The following DSC3 variants were observed in gnomAD, a reference collection of about 807,000 sequenced individuals.
DSC3 encodes desmocollin 3.
In DSC3, 97 loss-of-function variants were observed where a neutral mutation model predicts 89.5. The observed-to-expected ratio is 1.08, with a 90% confidence interval of 0.92 to 1.28. DSC3 has a LOEUF of 1.28. Ranked by LOEUF, DSC3 falls within the 50% of genes most tolerant of loss-of-function variation. DSC3 has a pLI of 0.00. For synonymous variants in DSC3, 436 were observed against 384.1 expected (o/e 1.14, Z -1.58); for missense variants, 1,199 against 1,085.3 (o/e 1.10, Z -1.47).
intron 1 of DSC3, among the ~76,000 whole-genome samples, chr18:31,035,733 C>T (rs1985948819): frequency 6.6e-6 from 1 of 151,962 alleles, no homozygotes; most frequent in Admixed American, 6.5e-5. Context: ...GAACATTTTG[C>T]AATTTTTGTT....
At chr18:31,018,871 C>A in intron 7 of DSC3, 71 bp from the exon 8 acceptor site, 1 of 1,352,150 alleles carries the variant, frequency 7.4e-7, no homozygotes, top group Non-Finnish European at 1.0e-6. Flanking sequence ...ACCTCAATTG[C>A]ACACTCACTC....
Position 31,022,349 on chromosome 18 carries a change from T to C in DSC3, c.929A>G (p.Tyr310Cys), listed in dbSNP as rs1985449714. Reference sequence around the variant, plus strand: ...TGTGTGAGCTACCTCTCTGTCCAAATAATGAGAGACTGTGGTGATTACGCC... The same window carrying C: ...TGTGTGAGCTACCTCTCTGTCCAAACAATGAGAGACTGTGGTGATTACGCC... ...STGVITTVSH[Y>C]LDREVVDKYS... Residue 310 changes from tyrosine (Y) to cysteine (C), a missense_variant, in exon 7 of 16, where the codon TAT becomes TGT. Tyr to Cys is a radical substitution (Grantham distance 194). Transcript: ENST00000360428. The C allele has an allele frequency of 6.2e-7, 1 of 1,613,846 alleles. No individual in the cohort carries two copies. Among genetic ancestry groups the C allele is most frequent in the African/African-American group, 1.3e-5 (1 of 74,892 alleles).
chr18:30,994,435 A>G (rs1191193436), intron 15 of DSC3, 63 bp from the exon 16 acceptor site: 4 of 1,590,362 alleles, frequency 2.5e-6, no homozygotes, highest in Non-Finnish European at 3.4e-6. Flanking sequence ...ATATGAACAT[A>G]AAATTTATTT....
At chr18:31,003,821 A>C (rs141858917) in intron 13 of DSC3, among the ~76,000 whole-genome samples, 2,024 of 152,332 alleles carry the variant, frequency 0.013, 38 homozygotes, top group African/African-American at 0.047. Flanking sequence ...GAGTTTCCTA[A>C]GGCAGAAATT....
chr18:31,029,373 C>T, intron 4 of DSC3, 136 bp downstream of exon 4: 1 of 1,114,722 alleles, frequency 9.0e-7, no homozygotes, highest in Non-Finnish European at 1.3e-6. Flanking sequence ...TTTTCTTTCT[C>T]ATTTTACTTT....
Position 30,993,686 on chromosome 18 carries a change from G to C in DSC3, c.*489C>G, listed in dbSNP as rs1408506434. The C allele has an allele frequency of 6.4e-6, 1 of 156,524 alleles. No individual in the cohort carries two copies. The highest frequency in any genetic ancestry group is 2.4e-5 in the African/African-American group (1 of 41,414). 9.7% of individuals were successfully genotyped at this position (156,524 alleles called of 1,614,324 possible). A position where few individuals can be genotyped will look rare whatever the true frequency, so the allele number is the denominator to read the frequency against. The stretch of plus-strand genomic sequence containing the variant: ...TTTGCCTCCAAAGTCAAATGAATTT[G>C]GTAGTGCAGTAGGGGTGAGTCCCAA... On this transcript the variant is annotated 3_prime_UTR_variant, in exon 16 of 16. Transcript: ENST00000360428.
chr18:30,994,079 AT>A lies in DSC3; in HGVS notation c.*95del. On this transcript the variant is annotated 3_prime_UTR_variant, in exon 16 of 16. Coordinates refer to ENST00000360428, the MANE Select transcript of DSC3 (RefSeq NM_001941.5). ...AGCATAATTCAAAATTGAGAAAAAA[AT>A]CATCATATACATACATGTTGAAATT... 2 of 1,197,152 alleles carry A rather than the reference AT, an allele frequency of 1.7e-6. No homozygotes were observed. Among genetic ancestry groups the A allele is most frequent in the Non-Finnish European group, 1.2e-6 (1 of 822,364 alleles). 74.2% of individuals were successfully genotyped at this position (1,197,152 alleles called of 1,614,324 possible).
rs1984499356 is a variant in DSC3, at chr18:30,997,025, G to A, written c.2259C>T (p.Thr753=). Residue 753 remains threonine, a synonymous_variant, in exon 15 of 16, where the codon ACC becomes ACT. Coordinates refer to ENST00000360428, the MANE Select transcript of DSC3 (RefSeq NM_001941.5). ...CTTGGCTAGAGTTGTTGGTAGTTTG[G>A]GTCATAAATCCATTGGCAGAGCACT... is the stretch of plus-strand genomic sequence containing the variant. ...DRVCSANGFM[T]QTTNNSSQGF... 3.7e-6 allele frequency: 6 copies of A among 1,614,008 alleles called. No individual in the cohort carries two copies. The highest frequency in any genetic ancestry group is 5.1e-6 in the Non-Finnish European group (6 of 1,179,986).
chr18:31,038,698 C>T (rs1986043985), intron 1 of DSC3, among the ~76,000 whole-genome samples: 1 of 151,666 alleles, frequency 6.6e-6, no homozygotes, highest in Non-Finnish European at 1.5e-5. Context: ...TTATAAATAC[C>T]AAAGATTACA....
chr18:31,016,133 T>A (rs1203324897), intron 9 of DSC3, among the ~76,000 whole-genome samples: 2 of 152,184 alleles, frequency 1.3e-5, no homozygotes, highest in African/African-American at 4.8e-5. Context: ...CAGGAACTCC[T>A]GCCAGTTTTC....
chr18:30,992,669 T>C lies in DSC3; in HGVS notation c.*1506A>G, dbSNP rs948805692. ...TACAAATAACCTACTTGGGCTGCTT[T>C]CTCCCAAAGTTCCCTCTGTTCTAAA... is the stretch of plus-strand genomic sequence containing the variant. On this transcript the variant is annotated 3_prime_UTR_variant, in exon 16 of 16. Coordinates refer to ENST00000360428, the MANE Select transcript of DSC3 (RefSeq NM_001941.5). 96 of 152,266 alleles carry C rather than the reference T, an allele frequency of 6.3e-4. No individual in the cohort carries two copies. The highest frequency in any genetic ancestry group is 2.2e-3 in the African/African-American group (92 of 41,460). The allele number at this position is 152,266 out of a possible 1,614,324, so 9.4% of individuals were successfully genotyped here.
chr18:31,006,355 G>C (rs1456715504), intron 12 of DSC3, among the ~76,000 whole-genome samples: 1 of 151,646 alleles, frequency 6.6e-6, no homozygotes, highest in Non-Finnish European at 1.5e-5. Context: ...CTGGAGTGCA[G>C]TGGCACCATC....
In DSC3 at chr18:31,039,151, C is replaced by T. The variant is rs1986059863; in HGVS notation, c.69+3441G>A. Reference sequence around the variant, plus strand: ...TTAAAGATGATAATATAAAGTATTACCTACTGCAGCCTAAGCAAAATAGTT... The same window carrying T: ...TTAAAGATGATAATATAAAGTATTATCTACTGCAGCCTAAGCAAAATAGTT... On this transcript the variant is annotated intron_variant, in intron 1 of 15. Transcript: ENST00000360428. Among the ~76,000 whole-genome samples, 3 of 151,922 alleles carry T rather than the reference C, an allele frequency of 2.0e-5. No individual in the cohort carries two copies. In the South Asian group the frequency reaches 6.2e-4, roughly 32 times the overall value.
At chr18:30,997,572 A>G (rs764730403) in intron 14 of DSC3, among the ~76,000 whole-genome samples, 2 of 152,200 alleles carry the variant, frequency 1.3e-5, no homozygotes, top group Non-Finnish European at 2.9e-5. Flanking sequence ...AGTTTCCAAC[A>G]TATCAGCTTT....
In DSC3 at chr18:30,992,847, G is replaced by A. The variant is rs1984317254; in HGVS notation, c.*1328C>T. 6.6e-6 allele frequency: 1 copy of A among 152,238 alleles called. No homozygotes were observed. The highest frequency in any genetic ancestry group is 1.5e-5 in the Non-Finnish European group (1 of 68,056). The allele number at this position is 152,238 out of a possible 1,614,324, so 9.4% of individuals were successfully genotyped here. ...TCACTTAAGGGAATCTCTGCTGGAGGTGTTGCTTTAGCAGAAAGCCGAAAG... is the reference window on the plus strand; with the variant it reads ...TCACTTAAGGGAATCTCTGCTGGAGATGTTGCTTTAGCAGAAAGCCGAAAG... On this transcript the variant is annotated 3_prime_UTR_variant, in exon 16 of 16. Coordinates refer to ENST00000360428, the MANE Select transcript of DSC3 (RefSeq NM_001941.5).
At chr18:31,006,452 A>T (rs935611770) in intron 12 of DSC3, among the ~76,000 whole-genome samples, 4 of 151,986 alleles carry the variant, frequency 2.6e-5, no homozygotes, top group Non-Finnish European at 5.9e-5. Context: ...GGTGCCTGCC[A>T]CCACGCCCAG....
intron 14 of DSC3, among the ~76,000 whole-genome samples, chr18:30,999,306 T>G (rs1984576158): frequency 6.6e-6 from 1 of 152,058 alleles, no homozygotes; most frequent in Admixed American, 6.6e-5. Flanking sequence ...CTGAAATATA[T>G]CTACAAAAGT....
In DSC3 at chr18:31,032,147, T is replaced by C. The variant is rs200894046; in HGVS notation, c.154+45A>G. 2.2e-4 allele frequency: 300 copies of C among 1,382,428 alleles called. No individual in the cohort carries two copies. The African/African-American group carries it at 3.8e-3, about 18-fold the overall frequency. 85.6% of individuals were successfully genotyped at this position (1,382,428 alleles called of 1,614,324 possible). The stretch of plus-strand genomic sequence containing the variant: ...ATTATATCATGCTCTTTCCAGCCTA[T>C]GTAAACTAAATTTCTGCTTTAAAAA... On this transcript the variant is annotated intron_variant, in intron 2 of 15. Transcript: ENST00000360428.
At chr18:31,042,538 G>A (rs1472331597) in intron 1 of DSC3, 54 bp downstream of exon 1, 4 of 1,514,984 alleles carry the variant, frequency 2.6e-6, no homozygotes, top group African/African-American at 2.8e-5. Flanking sequence ...GCAGCGTCCA[G>A]GGCGGATCCA....
Sources: allele counts gnomAD v4.1 joint callset (sites outside exome capture counted in the v4.1 genomes callset), GRCh38; gene constraint gnomAD v4.1.1; transcripts MANE v1.5; gene names NCBI Gene and HGNC (gene_info 2026-07-23, HGNC 2026-07-21).